The following MPP3 variants were observed in gnomAD, a reference collection of about 807,000 sequenced individuals.
The protein encoded by MPP3 is MAGUK p55 scaffold protein 3.
Under a neutral mutation model 80.7 loss-of-function variants are expected in MPP3, and 48 were observed. The observed-to-expected ratio is 0.59, with a 90% CI of 0.47 to 0.76. The LOEUF (loss-of-function observed/expected upper bound fraction) is 0.76, where lower values mean the gene tolerates loss of function less well. Ranked by LOEUF, MPP3 falls within the 30% of genes least tolerant of loss-of-function variation. MPP3 has a pLI of 0.00. For synonymous variants in MPP3, 311 were observed against 297.6 expected (o/e 1.04, Z -0.46); for missense variants, 620 against 763.0 (o/e 0.81, Z 2.21).
At chr17:43,823,343 G>A (rs2045550150) in intron 10 of MPP3, among the ~76,000 whole-genome samples, 1 of 152,138 alleles carries the variant, frequency 6.6e-6, no homozygotes, top group African/African-American at 2.4e-5. Flanking sequence ...GCCTCTGTAT[G>A]GGCAGACCCC....
chr17:43,805,908 A>G (rs1054188993), intron 19 of MPP3, among the ~76,000 whole-genome samples: 5 of 152,244 alleles, frequency 3.3e-5, no homozygotes, highest in African/African-American at 1.2e-4. Context: ...ATTGAATTGT[A>G]TGCTTTAAAT....
intron 11 of MPP3, chr17:43,819,073 C>T (rs905572141): frequency 2.0e-5 from 3 of 152,210 alleles, no homozygotes; most frequent in Non-Finnish European, 4.4e-5. Flanking sequence ...TTCGGCATCT[C>T]AGAATCGCCT....
In MPP3 at chr17:43,816,702, G is replaced by C; in HGVS notation, c.947-5C>G. 6.3e-7 allele frequency: 1 copy of C among 1,575,256 alleles called. No individual in the cohort carries two copies. The highest frequency in any genetic ancestry group is 8.6e-7 in the Non-Finnish European group (1 of 1,159,676). Reference sequence around the variant, plus strand: ...CTTTGTCACAAGGCTGATCATCTGCGGTTTGCACAAAAGACAGATGGAACA... The same window carrying C: ...CTTTGTCACAAGGCTGATCATCTGCCGTTTGCACAAAAGACAGATGGAACA... On this transcript the variant is annotated splice_polypyrimidine_tract_variant and splice_region_variant and intron_variant, in intron 12 of 19. Coordinates refer to ENST00000398389, the MANE Select transcript of MPP3 (RefSeq NM_001932.6).
intron 14 of MPP3, chr17:43,815,811 C>A: frequency 3.0e-6 from 2 of 677,028 alleles, no homozygotes; most frequent in South Asian, 1.6e-5. Flanking sequence ...CCTTTCCCGC[C>A]AGGGCAGTGT....
chr17:43,830,612 G>A (rs1395346175), intron 5 of MPP3, among the ~76,000 whole-genome samples: 3 of 152,140 alleles, frequency 2.0e-5, no homozygotes, highest in Non-Finnish European at 4.4e-5. Context: ...TGGGAGCCAG[G>A]CAATCTAATG....
In MPP3 at chr17:43,801,063, A is replaced by G. The variant is rs2044393378; in HGVS notation, c.*638T>C. On this transcript the variant is annotated 3_prime_UTR_variant, in exon 20 of 20. Transcript: ENST00000398389. Reference sequence around the variant, plus strand: ...ATTTAGAAAGGGGAAAGGCAACCTTACATTCCTCGAGTCCCTGAAGGCACC... The same window carrying G: ...ATTTAGAAAGGGGAAAGGCAACCTTGCATTCCTCGAGTCCCTGAAGGCACC... 6.6e-6 allele frequency: 1 copy of G among 152,304 alleles called. No individual in the cohort carries two copies. Among genetic ancestry groups the G allele is most frequent in the Non-Finnish European group, 1.5e-5 (1 of 68,110 alleles). The allele number at this position is 152,304 out of a possible 1,614,324, so 9.4% of individuals were successfully genotyped here. A position where few individuals can be genotyped will look rare whatever the true frequency, so the allele number is the denominator to read the frequency against.
chr17:43,817,685 C>T (rs1275128636), intron 12 of MPP3, among the ~76,000 whole-genome samples: 5 of 152,218 alleles, frequency 3.3e-5, no homozygotes, highest in Non-Finnish European at 7.3e-5. Context: ...TCTCCATTCC[C>T]TTCCAACGCC....
intron 11 of MPP3, chr17:43,818,992 G>C (rs891043217): frequency 5.9e-5 from 9 of 151,902 alleles, no homozygotes; most frequent in Admixed American, 5.9e-4. Context: ...GTAAGATGTT[G>C]CCAAGACCTG....
At chr17:43,825,180 G>A in intron 9 of MPP3, 1 of 152,566 alleles carries the variant, frequency 6.6e-6, no homozygotes, top group Non-Finnish European at 1.5e-5. Flanking sequence ...GGAATCCTGA[G>A]GATAAAGGGG....
In MPP3 at chr17:43,820,910, T is replaced by C. The variant is rs1598351033; in HGVS notation, c.833A>G (p.Asp278Gly). 1 of 1,614,076 alleles carries C rather than the reference T, an allele frequency of 6.2e-7. No individual in the cohort carries two copies. The highest frequency in any genetic ancestry group is 8.5e-7 in the Non-Finnish European group (1 of 1,180,002). The change falls in exon 11 of 20, where the codon GAC becomes GGC. Residue 278 changes from aspartate to glycine, a missense_variant. Asp to Gly is a moderately conservative substitution (Grantham distance 94). Transcript: ENST00000398389. The stretch of plus-strand genomic sequence containing the variant: ...GATGAGGCCGGCTCGAAGGTTGGTG[T>C]CCCCGACTCGCTTGGCCTGCCACCA... ...PTWWQAKRVG[D>G]TNLRAGLIPS...
chr17:43,811,422 T>C, intron 16 of MPP3: 1 of 551,138 alleles, frequency 1.8e-6, no homozygotes, highest in Non-Finnish European at 3.3e-6. Flanking sequence ...AAAGGAGGCT[T>C]TTCCTTTTGC....
At chr17:43,804,702 C>T (rs1026116766) in intron 19 of MPP3, among the ~76,000 whole-genome samples, 2 of 152,168 alleles carry the variant, frequency 1.3e-5, no homozygotes, top group Non-Finnish European at 2.9e-5. Context: ...GACTTTATCA[C>T]ATTTTAAAAT....
At chr17:43,827,326 T>TGC (rs2045754206) in intron 8 of MPP3, among the ~76,000 whole-genome samples, 1 of 143,618 alleles carries the variant, frequency 7.0e-6, no homozygotes, top group Admixed American at 6.9e-5. Flanking sequence ...TTTTTTTTTT[T>TGC]TTCTTTTTTT....
intron 11 of MPP3, among the ~76,000 whole-genome samples, chr17:43,819,780 C>G (rs2045329518): frequency 6.6e-6 from 1 of 151,306 alleles, no homozygotes. Context: ...GGAAAATACT[C>G]ACGCCAAAAA....
At chr17:43,831,414 CAG>C (rs2045954179) in intron 4 of MPP3, 93 bp from the exon 5 acceptor site, 1 of 1,420,790 alleles carries the variant, frequency 7.0e-7, no homozygotes, top group African/African-American at 1.4e-5. Context: ...GGGCCACTGA[CAG>C]GGCACCATAA....
rs2045869784 is a variant in MPP3, at chr17:43,829,679, C to T, written c.416G>A (p.Arg139His). The T allele has an allele frequency of 6.2e-6, 10 of 1,613,872 alleles. No homozygotes were observed. Among genetic ancestry groups the T allele is most frequent in the African/African-American group, 4.0e-5 (3 of 74,858 alleles). ...CAGGGGTTCCTTGTTCTTCACCAAG[C>T]GGACGATCTTCACCGATTCCTCATC... ...DFDEESVKIVRLVKNKEPLGA... is the reference protein window; with the variant it reads ...DFDEESVKIVHLVKNKEPLGA... Residue 139 changes from arginine to histidine, a missense_variant, in exon 7 of 20, where the codon CGC becomes CAC. Coordinates refer to ENST00000398389, the MANE Select transcript of MPP3 (RefSeq NM_001932.6).
intron 16 of MPP3, among the ~76,000 whole-genome samples, chr17:43,813,145 AG>A (rs1299831250): frequency 3.3e-5 from 5 of 152,156 alleles, no homozygotes; most frequent in Non-Finnish European, 1.5e-5. Flanking sequence ...CAGAAAGAAA[AG>A]GGGCAGCCAA....
chr17:43,832,934 C>T (rs1275692465), intron 1 of MPP3, 115 bp from the exon 2 acceptor site: 1 of 151,012 alleles, frequency 6.6e-6, no homozygotes, highest in African/African-American at 2.4e-5. Flanking sequence ...GCGGGGCGGG[C>T]GCGGGAAGAG....
Position 43,815,718 on chromosome 17 carries a change from C to T in MPP3, c.1009+320G>A, listed in dbSNP as rs998433842. 54 of 543,992 alleles carry T rather than the reference C, an allele frequency of 9.9e-5. 1 individual carries two copies. The Admixed American group carries it at 1.3e-3, about 13-fold the overall frequency. 33.7% of individuals were successfully genotyped at this position (543,992 alleles called of 1,614,324 possible). ...GGAGAGCCGCAAACACCCCTCACTG[C>T]GTGGTAGTGGTGTTAATATTGAATA... is the stretch of plus-strand genomic sequence containing the variant. On this transcript the variant is annotated intron_variant, in intron 14 of 19. Coordinates refer to ENST00000398389, the MANE Select transcript of MPP3 (RefSeq NM_001932.6).
Sources: allele counts gnomAD v4.1 joint callset (sites outside exome capture counted in the v4.1 genomes callset), GRCh38; gene constraint gnomAD v4.1.1; transcripts MANE v1.5; gene names NCBI Gene and HGNC (gene_info 2026-07-23, HGNC 2026-07-21).